Variants in FAM227B observed in about 807,000 individuals in gnomAD.
FAM227B encodes the protein protein FAM227B.
In FAM227B, 88 loss-of-function variants were observed where a neutral mutation model predicts 73.8. The ratio of observed to expected loss-of-function variants is 1.19; its 90% confidence interval spans 1.00 to 1.42. The LOEUF is 1.42. FAM227B is among the 40% of genes most tolerant of loss of function. The pLI, the probability that FAM227B is intolerant of heterozygous loss-of-function variation, is 0.00. For synonymous variants in FAM227B, 210 were observed against 190.5 expected, an observed-to-expected ratio of 1.10 and a Z score of -0.84; for missense variants, 632 against 590.9, an observed-to-expected ratio of 1.07 and a Z score of -0.72.
intron 5 of FAM227B, among the ~76,000 whole-genome samples, chr15:49,578,831 G>A (rs1447338611): frequency 2.6e-5 from 4 of 152,172 alleles, no homozygotes; most frequent in Non-Finnish European, 4.4e-5. Flanking sequence ...GGAGGCTGCT[G>A]TACAGCAAAG....
At chr15:49,577,025 G>A (rs554327928) in intron 6 of FAM227B, 180 bp from the exon 7 acceptor site, 12 of 497,912 alleles carry the variant, frequency 2.4e-5, no homozygotes, top group Admixed American at 1.1e-4. Flanking sequence ...GGCCGTGCAC[G>A]GTGGCTCACG....
intron 13 of FAM227B, among the ~76,000 whole-genome samples, chr15:49,359,151 G>A: frequency 6.7e-6 from 1 of 150,244 alleles, no homozygotes; most frequent in East Asian, 2.0e-4. Flanking sequence ...GAAAACCTAG[G>A]CATTACCATT....
chr15:49,490,686 C>T (rs2057010838), intron 11 of FAM227B, among the ~76,000 whole-genome samples: 1 of 151,908 alleles, frequency 6.6e-6, no homozygotes, highest in Non-Finnish European at 1.5e-5. Context: ...GGGCATAGCT[C>T]TACATCGAAA....
In FAM227B at chr15:49,368,561, G is replaced by A. The variant is rs74485213; in HGVS notation, c.1111-953C>T. On this transcript the variant is annotated intron_variant, in intron 12 of 15. Transcript: ENST00000299338. Reference sequence around the variant, plus strand: ...AATTCTTTGCTAGTAAAAAGTTAATGTCAATATCAGACATGTTTTCTATGA... The same window carrying A: ...AATTCTTTGCTAGTAAAAAGTTAATATCAATATCAGACATGTTTTCTATGA... Among the ~76,000 whole-genome samples, 31 of 152,238 alleles carry A rather than the reference G, an allele frequency of 2.0e-4. No homozygotes were observed. The East Asian group carries it at 5.8e-3, about 28-fold the overall frequency.
At chr15:49,578,473 G>T (rs1449630043) in intron 5 of FAM227B, among the ~76,000 whole-genome samples, 1 of 151,184 alleles carries the variant, frequency 6.6e-6, no homozygotes, top group Non-Finnish European at 1.5e-5. Context: ...GACAGACATA[G>T]ATAGATAGAT....
At chr15:49,383,978 C>T (rs1188357151) in intron 11 of FAM227B, among the ~76,000 whole-genome samples, 2 of 152,068 alleles carry the variant, frequency 1.3e-5, no homozygotes, top group African/African-American at 2.4e-5. Context: ...TTTAACATCC[C>T]AATGTGTTCC....
intron 10 of FAM227B, among the ~76,000 whole-genome samples, chr15:49,521,326 C>T (rs185675325): frequency 3.9e-5 from 6 of 152,274 alleles, no homozygotes; most frequent in African/African-American, 1.4e-4. Context: ...GCAGTGCAGC[C>T]CATTAAAGTG....
intron 9 of FAM227B, among the ~76,000 whole-genome samples, chr15:49,558,824 T>C (rs1377028649): frequency 6.6e-6 from 1 of 152,070 alleles, no homozygotes; most frequent in East Asian, 1.9e-4. Context: ...CTGTTCCAAC[T>C]CTACAGGCAC....
chr15:49,530,936 A>G (rs1191676891), intron 10 of FAM227B, among the ~76,000 whole-genome samples: 1 of 151,790 alleles, frequency 6.6e-6, no homozygotes, highest in Non-Finnish European at 1.5e-5. Context: ...AATACATAGA[A>G]TCCTATTTCC....
At chr15:49,509,471 G>C (rs985292129) in intron 10 of FAM227B, among the ~76,000 whole-genome samples, 1 of 152,130 alleles carries the variant, frequency 6.6e-6, no homozygotes, top group African/African-American at 2.4e-5. Flanking sequence ...CTTGACACAA[G>C]GGGCGCAAAA....
chr15:49,595,139 C>T (rs2076817044), intron 3 of FAM227B, among the ~76,000 whole-genome samples: 1 of 151,828 alleles, frequency 6.6e-6, no homozygotes, highest in African/African-American at 2.4e-5. Context: ...GGTCTTTCAT[C>T]TCCTTGGTTA....
At chr15:49,595,338 CT>C (rs2076827249) in intron 3 of FAM227B, among the ~76,000 whole-genome samples, 1 of 151,858 alleles carries the variant, frequency 6.6e-6, no homozygotes, top group Non-Finnish European at 1.5e-5. Context: ...GATCTAGGAG[CT>C]TTTCAAATTA....
rs555085750 is a variant in FAM227B at position 49,615,960 on chromosome 15, T to C, written c.-72-717A>G. ...GTCTCAAAAAAAATGAGTTGGGAAA[T>C]GCCTCTATTTTTTTCTATTATCTGA... On this transcript the variant is annotated intron_variant, in intron 1 of 15. Transcript: ENST00000299338. Among the ~76,000 whole-genome samples, 6 of 152,322 alleles carry C rather than the reference T, an allele frequency of 3.9e-5. No individual in the cohort carries two copies. In the South Asian group the frequency reaches 1.2e-3, roughly 32 times the overall value.
At chr15:49,584,364 T>C (rs746482347) in intron 5 of FAM227B, among the ~76,000 whole-genome samples, 1 of 152,126 alleles carries the variant, frequency 6.6e-6, no homozygotes, top group African/African-American at 2.4e-5. Flanking sequence ...GGTACATACC[T>C]CAAAATAATA....
chr15:49,570,542 C>A (rs2075019029), intron 8 of FAM227B, among the ~76,000 whole-genome samples: 1 of 151,742 alleles, frequency 6.6e-6, no homozygotes, highest in African/African-American at 2.4e-5. Context: ...ATTGTGGTCA[C>A]CATGCAGTAT....
At chr15:49,537,730 C>T (rs867549621) in intron 10 of FAM227B, among the ~76,000 whole-genome samples, 5 of 152,156 alleles carry the variant, frequency 3.3e-5, no homozygotes, top group Middle Eastern at 3.4e-3. Flanking sequence ...GAATATTATT[C>T]AGCATTTTAA....
chr15:49,400,348 A>G (rs1376127406), intron 11 of FAM227B, among the ~76,000 whole-genome samples: 2 of 103,984 alleles, frequency 1.9e-5, no homozygotes, highest in African/African-American at 8.4e-5. Flanking sequence ...AGGAAATAAA[A>G]GAGGATACAA....
chr15:49,329,760 G>A (rs1248688634), intron 15 of FAM227B: 2 of 966,770 alleles, frequency 2.1e-6, no homozygotes, highest in Non-Finnish European at 1.2e-6. Context: ...TTTCCACAAA[G>A]GATTTGTGGT....
At chr15:49,471,322 T>C (rs895859570) in intron 11 of FAM227B, among the ~76,000 whole-genome samples, 8 of 151,794 alleles carry the variant, frequency 5.3e-5, no homozygotes, top group Non-Finnish European at 1.2e-4. Context: ...CCTCCTCTAC[T>C]AAAAATACAA....
Sources: allele counts gnomAD v4.1 joint callset (sites outside exome capture counted in the v4.1 genomes callset), GRCh38; gene constraint gnomAD v4.1.1; transcripts MANE v1.5; gene names NCBI Gene and HGNC (gene_info 2026-07-23, HGNC 2026-07-21).